Variants in ITSN1 observed in about 807,000 individuals in gnomAD.
ITSN1 encodes intersectin 1.
A neutral mutation model predicts 239.8 loss-of-function variants in ITSN1; 58 were observed. The ratio of observed to expected loss-of-function variants is 0.24; its 90% CI spans 0.20 to 0.30. The LOEUF is 0.30. Among genes scored for constraint, ITSN1 ranks in the 10% least tolerant of loss-of-function variants. The pLI, the probability that ITSN1 is intolerant of heterozygous loss-of-function variation, is 1.00. For synonymous variants in ITSN1, 780 were observed against 770.8 expected (o/e 1.01, Z -0.20); for missense variants, 1,558 against 2,103.3 (o/e 0.74, Z 5.07).
At chr21:33,886,536 G>A in intron 39 of ITSN1, 76 bp downstream of exon 39, 2 of 1,295,108 alleles carry the variant, frequency 1.5e-6, no homozygotes, top group South Asian at 1.5e-5. Flanking sequence ...TTCTTACCTG[G>A]GGACTTGGTG....
At chr21:33,708,833 T>G (rs1381413040) in intron 1 of ITSN1, among the ~76,000 whole-genome samples, 1 of 152,238 alleles carries the variant, frequency 6.6e-6, no homozygotes, top group African/African-American at 2.4e-5. Context: ...TGAATTAATT[T>G]TTGTGTATTA....
chr21:33,730,424 C>CAG, intron 4 of ITSN1, among the ~76,000 whole-genome samples: 1 of 99,568 alleles, frequency 1.0e-5, no homozygotes, highest in South Asian at 3.7e-4. Flanking sequence ...TTTCTGGAGA[C>CAG]AGAGTCTTGC....
chr21:33,831,263 G>A (rs1021303640), intron 27 of ITSN1, among the ~76,000 whole-genome samples: 1 of 152,220 alleles, frequency 6.6e-6, no homozygotes, highest in Non-Finnish European at 1.5e-5. Context: ...GCCTATGGAA[G>A]GACTGAATTT....
At chr21:33,810,874 C>A in intron 20 of ITSN1, 101 bp from the exon 21 acceptor site, 1 of 1,307,100 alleles carries the variant, frequency 7.7e-7, no homozygotes, top group Non-Finnish European at 1.1e-6. Context: ...TGCCATATGT[C>A]AATCTAAAGA....
At chr21:33,711,922 C>A (rs1278479005) in intron 1 of ITSN1, among the ~76,000 whole-genome samples, 2 of 151,974 alleles carry the variant, frequency 1.3e-5, no homozygotes, top group Non-Finnish European at 1.5e-5. Flanking sequence ...TTTTAAAGAC[C>A]CTAATAGGAA....
chr21:33,690,494 A>G (rs1164095058), intron 1 of ITSN1, among the ~76,000 whole-genome samples: 5 of 143,928 alleles, frequency 3.5e-5, no homozygotes, highest in African/African-American at 7.8e-5. Flanking sequence ...CAGCTACTCG[A>G]GAGGCTGAGG....
At chr21:33,742,126 G>A (rs1483850329) in intron 5 of ITSN1, among the ~76,000 whole-genome samples, 3 of 147,722 alleles carry the variant, frequency 2.0e-5, no homozygotes, top group South Asian at 2.1e-4. Context: ...GCACCTTCTC[G>A]GCTCACTGCA....
intron 33 of ITSN1, among the ~76,000 whole-genome samples, chr21:33,874,644 C>CT (rs1389082456): frequency 9.9e-6 from 1 of 100,750 alleles, no homozygotes; most frequent in African/African-American, 4.3e-5. Context: ...TGAATATTTT[C>CT]TTTTTCTTTC....
chr21:33,675,020 G>A (rs977749301), intron 1 of ITSN1, among the ~76,000 whole-genome samples: 13 of 152,132 alleles, frequency 8.5e-5, no homozygotes, highest in African/African-American at 2.9e-4. Flanking sequence ...ATAACATACT[G>A]AAGTTTATTA....
At chr21:33,773,522 G>A (rs371356557) in intron 12 of ITSN1, among the ~76,000 whole-genome samples, 1 of 152,096 alleles carries the variant, frequency 6.6e-6, no homozygotes, top group Non-Finnish European at 1.5e-5. Context: ...TAAAAAAATA[G>A]CCTGAGTGCT....
intron 1 of ITSN1, among the ~76,000 whole-genome samples, chr21:33,649,985 C>T (rs1171257392): frequency 6.8e-6 from 1 of 148,108 alleles, no homozygotes; most frequent in African/African-American, 2.5e-5. Context: ...GCTGACATCG[C>T]ACCATTACAC....
rs1336298812 is a variant in ITSN1, at chr21:33,705,089, C to G, written c.-32-13708C>G. On this transcript the variant is annotated intron_variant, in intron 1 of 39. Transcript: ENST00000381318. The stretch of plus-strand genomic sequence containing the variant: ...TCGGGCCACTGCACTCCAGCCTGGG[C>G]AACAGAGCAAGACTCCGTCTCAAAA... 2.6e-5 allele frequency among the ~76,000 whole-genome samples: 3 copies of G among 116,322 alleles called. No homozygotes were observed. The East Asian group carries it at 7.6e-4, about 30-fold the overall frequency. The allele number at this position is 116,322 out of a possible 152,430, so 76.3% of individuals were successfully genotyped here.
At chr21:33,678,848 G>A (rs1419928933) in intron 1 of ITSN1, among the ~76,000 whole-genome samples, 3 of 152,070 alleles carry the variant, frequency 2.0e-5, no homozygotes, top group Non-Finnish European at 4.4e-5. Context: ...TGAGTAGCTG[G>A]GATTACAGGC....
intron 1 of ITSN1, among the ~76,000 whole-genome samples, chr21:33,657,525 C>T (rs2089193341): frequency 6.6e-6 from 1 of 152,192 alleles, no homozygotes; most frequent in South Asian, 2.1e-4. Flanking sequence ...CAGTCATTTT[C>T]ACTGTATTTA....
intron 26 of ITSN1, 82 bp from the exon 27 acceptor site, chr21:33,829,542 C>T: frequency 6.8e-7 from 1 of 1,472,180 alleles, no homozygotes; most frequent in Non-Finnish European, 9.4e-7. Context: ...CATCTGTGAA[C>T]CTGGGAGGCG....
rs894570958 is a variant in ITSN1, at chr21:33,888,905, C to G, written c.*605C>G. The G allele has an allele frequency of 6.6e-6, 1 of 152,310 alleles. No homozygotes were observed. The highest frequency in any genetic ancestry group is 6.5e-5 in the Admixed American group (1 of 15,280). 9.4% of individuals were successfully genotyped at this position (152,310 alleles called of 1,614,324 possible). A position where few individuals can be genotyped will look rare whatever the true frequency, so the allele number is the denominator to read the frequency against. On this transcript the variant is annotated 3_prime_UTR_variant, in exon 40 of 40. Transcript: ENST00000381318. ...AGAGCTGGTCTATGGAAGTTTCCAG[C>G]ATGTGCACCGTTATAGCCGTTCCTT...
intron 1 of ITSN1, among the ~76,000 whole-genome samples, chr21:33,677,136 C>T (rs1281737993): frequency 1.3e-5 from 2 of 151,662 alleles, no homozygotes; most frequent in South Asian, 4.2e-4. Context: ...TGCACATGTA[C>T]CCTAGAACTT....
intron 4 of ITSN1, among the ~76,000 whole-genome samples, chr21:33,731,243 A>T (rs2066166149): frequency 6.6e-6 from 1 of 152,054 alleles, no homozygotes. Context: ...TTCTCCCCTA[A>T]CCTACTCATT....
chr21:33,718,322 C>T (rs559415310), intron 1 of ITSN1, among the ~76,000 whole-genome samples: 2 of 152,284 alleles, frequency 1.3e-5, no homozygotes, highest in South Asian at 4.1e-4. Context: ...GTCAGCCCTC[C>T]GTATCCATGG....
Sources: allele counts gnomAD v4.1 joint callset (sites outside exome capture counted in the v4.1 genomes callset), GRCh38; gene constraint gnomAD v4.1.1; transcripts MANE v1.5; gene names NCBI Gene and HGNC (gene_info 2026-07-23, HGNC 2026-07-21).